RMDN2: variants seen among roughly 807,000 people sequenced by gnomAD.
The protein encoded by RMDN2 is regulator of microtubule dynamics 2.
RMDN2 carries 61 observed loss-of-function variants against 52.8 expected under a neutral mutation model. The ratio of observed to expected loss-of-function variants is 1.16; its 90% confidence interval spans 0.94 to 1.43. RMDN2 has a LOEUF of 1.43. Among genes scored for constraint, RMDN2 ranks in the 40% most tolerant of loss-of-function variants. RMDN2 has a pLI of 0.00. For missense variants in RMDN2, 592 were observed against 475.3 expected (o/e 1.25, Z -2.28); for synonymous variants, 180 against 153.1 (o/e 1.18, Z -1.30).
chr2:37,927,242 C>G (rs1271716724), intron 1 of RMDN2, among the ~76,000 whole-genome samples: 1 of 152,222 alleles, frequency 6.6e-6, no homozygotes, highest in Non-Finnish European at 1.5e-5. Flanking sequence ...CTTGTTGATG[C>G]TTTCCAAATC....
At chr2:38,013,686 T>C (rs567182905) in intron 10 of RMDN2, among the ~76,000 whole-genome samples, 1 of 152,354 alleles carries the variant, frequency 6.6e-6, no homozygotes, top group Non-Finnish European at 1.5e-5. Flanking sequence ...ACATTGGTTT[T>C]CTGGATAAGT....
intron 10 of RMDN2, among the ~76,000 whole-genome samples, chr2:38,057,843 G>GCC (rs112274409): frequency 0.06 from 9,149 of 152,152 alleles, 910 homozygotes; most frequent in African/African-American, 0.21. Flanking sequence ...TTTCCCCTTT[G>GCC]CCTTCTGCCA....
intron 2 of RMDN2, among the ~76,000 whole-genome samples, chr2:37,955,303 A>G (rs1669308497): frequency 1.3e-5 from 2 of 152,150 alleles, no homozygotes; most frequent in African/African-American, 2.4e-5. Context: ...GCCTTTCACC[A>G]TTGAATATGA....
chr2:37,940,593 T>A (rs1344023378), intron 2 of RMDN2, among the ~76,000 whole-genome samples: 1 of 152,198 alleles, frequency 6.6e-6, no homozygotes, highest in African/African-American at 2.4e-5. Context: ...TTTCATTCTT[T>A]TTTTCTCTAA....
chr2:38,011,441 A>T (rs1165015477), intron 10 of RMDN2, among the ~76,000 whole-genome samples: 1 of 152,202 alleles, frequency 6.6e-6, no homozygotes, highest in South Asian at 2.1e-4. Context: ...ACCAAACACT[A>T]TCATCCTCTA....
chr2:37,988,333 A>ATT (rs1674314877), intron 5 of RMDN2, among the ~76,000 whole-genome samples: 1 of 152,192 alleles, frequency 6.6e-6, no homozygotes, highest in Admixed American at 6.5e-5. Flanking sequence ...ATTCAGTCTG[A>ATT]TTTTAGAACT....
chr2:37,924,969 G>C (rs931421446), upstream of RMDN2, among the ~76,000 whole-genome samples: 20 of 152,354 alleles, frequency 1.3e-4, no homozygotes, highest in Middle Eastern at 3.4e-3. Flanking sequence ...AACTAGGGGA[G>C]AGGGAGTGGG....
intron 10 of RMDN2, among the ~76,000 whole-genome samples, chr2:38,050,935 G>A (rs1231418834): frequency 6.6e-6 from 1 of 152,104 alleles, no homozygotes; most frequent in East Asian, 1.9e-4. Flanking sequence ...CTAATTTTTT[G>A]TGTTTTTAGT....
At chr2:37,945,784 T>G (rs1668170348) in intron 2 of RMDN2, among the ~76,000 whole-genome samples, 1 of 152,184 alleles carries the variant, frequency 6.6e-6, no homozygotes, top group Non-Finnish European at 1.5e-5. Flanking sequence ...TGGGAAAGAT[T>G]AGGCAACTTA....
chr2:37,954,248 G>A (rs1669186402), intron 2 of RMDN2, among the ~76,000 whole-genome samples: 1 of 151,958 alleles, frequency 6.6e-6, no homozygotes, highest in East Asian at 1.9e-4. Flanking sequence ...TATGCTTTTA[G>A]TGCCACATCC....
At chr2:37,941,578 C>T (rs1437145626) in intron 2 of RMDN2, among the ~76,000 whole-genome samples, 1 of 152,202 alleles carries the variant, frequency 6.6e-6, no homozygotes, top group African/African-American at 2.4e-5. Context: ...GCCTGTCTTT[C>T]AGGGATGCCC....
At chr2:37,992,076 A>G (rs1315003402) in intron 7 of RMDN2, among the ~76,000 whole-genome samples, 1 of 152,220 alleles carries the variant, frequency 6.6e-6, no homozygotes, top group African/African-American at 2.4e-5. Flanking sequence ...CCAAATATGC[A>G]TTCTGTCCTT....
At chr2:37,981,222 A>G in intron 4 of RMDN2, 61 bp from the exon 5 acceptor site, 1 of 1,019,478 alleles carries the variant, frequency 9.8e-7, no homozygotes. Context: ...GAGTTAATTC[A>G]ATAATCCACC....
intron 10 of RMDN2, among the ~76,000 whole-genome samples, chr2:38,050,194 C>T (rs2125298724): frequency 6.6e-6 from 1 of 152,186 alleles, no homozygotes; most frequent in South Asian, 2.1e-4. Flanking sequence ...TGAGACCTCG[C>T]ACCATGGCCC....
chr2:37,967,041 GAAAT>G (rs1215688668), intron 2 of RMDN2, among the ~76,000 whole-genome samples: 1 of 152,078 alleles, frequency 6.6e-6, no homozygotes, highest in Non-Finnish European at 1.5e-5. Flanking sequence ...GTGCCCGAAA[GAAAT>G]AAGCCAAATG....
intron 2 of RMDN2, among the ~76,000 whole-genome samples, chr2:37,963,381 G>A (rs1670547764): frequency 6.7e-6 from 1 of 150,060 alleles, no homozygotes; most frequent in African/African-American, 2.5e-5. Flanking sequence ...ATTTGGCAGG[G>A]TCATAGGACA....
At chr2:37,961,273 T>C (rs13027404) in intron 2 of RMDN2, among the ~76,000 whole-genome samples, 1 of 151,896 alleles carries the variant, frequency 6.6e-6, no homozygotes, top group Non-Finnish European at 1.5e-5. Context: ...GATAATATCC[T>C]GAAGAGTGTT....
intron 10 of RMDN2, among the ~76,000 whole-genome samples, chr2:38,049,755 A>C (rs1056875816): frequency 6.6e-6 from 1 of 152,058 alleles, no homozygotes; most frequent in Admixed American, 6.6e-5. Context: ...TATTTTGTAG[A>C]GATGGGGTCT....
At chr2:37,996,195 A>G (rs1020666918) in intron 7 of RMDN2, among the ~76,000 whole-genome samples, 3 of 152,234 alleles carry the variant, frequency 2.0e-5, no homozygotes, top group Admixed American at 1.3e-4. Flanking sequence ...TAAGGAAATA[A>G]GCAATATATT....
Sources: allele counts gnomAD v4.1 joint callset (sites outside exome capture counted in the v4.1 genomes callset), GRCh38; gene constraint gnomAD v4.1.1; transcripts MANE v1.5; gene names NCBI Gene and HGNC (gene_info 2026-07-23, HGNC 2026-07-21).